STPG2: variants seen among roughly 807,000 people sequenced by gnomAD.
The protein encoded by STPG2 is sperm tail PG-rich repeat containing 2, also known as sperm-tail PG-rich repeat-containing protein 2.
STPG2 carries 56 observed loss-of-function variants against 54.2 expected under a neutral mutation model. The ratio of observed to expected loss-of-function variants is 1.03; its 90% CI spans 0.83 to 1.29. STPG2 has a LOEUF of 1.29. STPG2 is among the 50% of genes most tolerant of loss of function. STPG2 has a pLI of 0.00. For missense variants in STPG2, 596 were observed against 544.9 expected (o/e 1.09, Z -0.93); for synonymous variants, 200 against 181.8 (o/e 1.10, Z -0.81).
chr4:97,908,982 T>C (rs964966548), intron 8 of STPG2, among the ~76,000 whole-genome samples: 1 of 149,918 alleles, frequency 6.7e-6, no homozygotes, highest in Non-Finnish European at 1.5e-5. Context: ...AACCTGCACA[T>C]TGTGCACATG....
chr4:97,566,507 A>G (rs1194392218), intron 10 of STPG2, among the ~76,000 whole-genome samples: 1 of 152,208 alleles, frequency 6.6e-6, no homozygotes, highest in Non-Finnish European at 1.5e-5. Flanking sequence ...ATGGAAATGC[A>G]GAAATCACCC....
intron 8 of STPG2, among the ~76,000 whole-genome samples, chr4:97,930,309 G>C (rs1578702264): frequency 6.6e-6 from 1 of 152,140 alleles, no homozygotes; most frequent in Non-Finnish European, 1.5e-5. Context: ...TTAGAATTTT[G>C]GGTTGCACAT....
At chr4:97,503,816 A>C (rs901602023) in intron 4 of STPG2, among the ~76,000 whole-genome samples, 36 of 130,082 alleles carry the variant, frequency 2.8e-4, no homozygotes, top group Admixed American at 1.3e-3. Context: ...AAATATATTT[A>C]AATATTTTAA....
chr4:97,729,191 G>GA (rs149574392), intron 9 of STPG2, among the ~76,000 whole-genome samples: 5,585 of 143,408 alleles, frequency 0.039, 352 homozygotes, highest in African/African-American at 0.13. Flanking sequence ...AATTTCTGTT[G>GA]AAAAAAAAAA....
intron 9 of STPG2, among the ~76,000 whole-genome samples, chr4:97,726,737 C>G (rs1724636230): frequency 6.6e-6 from 1 of 151,588 alleles, no homozygotes; most frequent in African/African-American, 2.4e-5. Flanking sequence ...AAGTTTATTG[C>G]TTTTCTCTAA....
chr4:97,722,820 C>T (rs1361362856), intron 9 of STPG2, among the ~76,000 whole-genome samples: 2 of 131,776 alleles, frequency 1.5e-5, no homozygotes, highest in East Asian at 4.4e-4. Context: ...TTTTTTGAGA[C>T]GGAGCCTTGC....
chr4:97,835,981 G>C (rs1295100190), intron 9 of STPG2, among the ~76,000 whole-genome samples: 2 of 152,054 alleles, frequency 1.3e-5, no homozygotes, highest in African/African-American at 4.8e-5. Flanking sequence ...GATTCTTGTG[G>C]ATGAGCAAAG....
chr4:97,973,625 C>T (rs562260690), intron 6 of STPG2, among the ~76,000 whole-genome samples: 1 of 152,280 alleles, frequency 6.6e-6, no homozygotes, highest in African/African-American at 2.4e-5. Context: ...GCCTGGAGGC[C>T]TAGGAGGAAA....
chr4:98,066,794 G>A (rs1737850889), intron 5 of STPG2, among the ~76,000 whole-genome samples: 1 of 152,124 alleles, frequency 6.6e-6, no homozygotes, highest in Non-Finnish European at 1.5e-5. Context: ...TAAGAGTACT[G>A]TATGTATTCA....
chr4:97,579,570 C>T (rs562326233), intron 10 of STPG2, among the ~76,000 whole-genome samples: 2 of 152,004 alleles, frequency 1.3e-5, no homozygotes, highest in African/African-American at 4.8e-5. Flanking sequence ...TTAAATATTG[C>T]TGGTGAAACT....
intron 9 of STPG2, among the ~76,000 whole-genome samples, chr4:97,836,149 G>C (rs566155755): frequency 1.3e-5 from 2 of 151,974 alleles, no homozygotes; most frequent in African/African-American, 4.8e-5. Flanking sequence ...TCTATTGTGG[G>C]TCAAGTGCTA....
chr4:97,994,168 T>C (rs1578764244), intron 5 of STPG2, among the ~76,000 whole-genome samples: 3 of 152,312 alleles, frequency 2.0e-5, no homozygotes, highest in Non-Finnish European at 4.4e-5. Context: ...GGTTGTATCA[T>C]TCTTACCATT....
intron 8 of STPG2, among the ~76,000 whole-genome samples, chr4:97,859,245 A>G (rs552647331): frequency 6.6e-6 from 1 of 151,892 alleles, no homozygotes; most frequent in African/African-American, 2.4e-5. Context: ...ATGGGATTAC[A>G]TGGGGTTGTT....
intron 5 of STPG2, among the ~76,000 whole-genome samples, chr4:97,987,693 T>C (rs1406541827): frequency 6.6e-6 from 1 of 152,204 alleles, no homozygotes; most frequent in African/African-American, 2.4e-5. Context: ...GAGTTACTAA[T>C]TGAATAATTG....
chr4:98,084,909 T>A (rs1738460528), intron 5 of STPG2, among the ~76,000 whole-genome samples: 2 of 152,280 alleles, frequency 1.3e-5, no homozygotes, highest in South Asian at 2.1e-4. Flanking sequence ...GCTAGACTTT[T>A]CATTATCTTA....
Position 97,500,541 on chromosome 4 carries a change from G to A in STPG2, c.462+212158C>T, listed in dbSNP as rs115093452. ...CATTGAAAGCTCTCACCAAGGTTGT[G>A]AGAAATAGAAAAGAGGAAGTTAAAA... On this transcript the variant is annotated intron_variant, in intron 4 of 4. Transcript: ENST00000522676. Among the ~76,000 whole-genome samples the A allele has an allele frequency of 2.7e-3, 415 of 152,112 alleles. 3 individuals carry two copies. The highest frequency in any genetic ancestry group is 9.2e-3 in the African/African-American group (383 of 41,534).
intron 10 of STPG2, among the ~76,000 whole-genome samples, chr4:97,615,767 A>G (rs2148918866): frequency 6.6e-6 from 1 of 151,876 alleles, no homozygotes; most frequent in East Asian, 1.9e-4. Flanking sequence ...AATAAAAGAT[A>G]GTGGCTCACT....
At chr4:98,080,357 G>A (rs34088022) in intron 5 of STPG2, among the ~76,000 whole-genome samples, 3 of 151,794 alleles carry the variant, frequency 2.0e-5, no homozygotes, top group Non-Finnish European at 4.4e-5. Flanking sequence ...GTCGCCCAAG[G>A]AGCTAGGACT....
intron 8 of STPG2, among the ~76,000 whole-genome samples, chr4:97,897,256 G>C (rs573025259): frequency 6.6e-6 from 1 of 151,898 alleles, no homozygotes; most frequent in African/African-American, 2.4e-5. Context: ...TTTTATAATT[G>C]CATAGTATTC....
Sources: allele counts gnomAD v4.1 joint callset (sites outside exome capture counted in the v4.1 genomes callset), GRCh38; gene constraint gnomAD v4.1.1; transcripts MANE v1.5; gene names NCBI Gene and HGNC (gene_info 2026-07-23, HGNC 2026-07-21).